The following DGKB variants were observed in gnomAD, a reference collection of about 807,000 sequenced individuals.
DGKB encodes the protein diacylglycerol kinase beta.
DGKB carries 67 observed loss-of-function variants against 114.3 expected under a neutral mutation model. The ratio of observed to expected loss-of-function variants is 0.59; its 90% CI spans 0.48 to 0.72. The LOEUF (loss-of-function observed/expected upper bound fraction) is 0.72. Among genes scored for constraint, DGKB ranks in the 30% least tolerant of loss-of-function variants. The pLI is 0.00. For missense variants in DGKB, 907 were observed against 975.2 expected, an observed-to-expected ratio of 0.93 and a Z score of 0.93; for synonymous variants, 398 against 323.1, an observed-to-expected ratio of 1.23 and a Z score of -2.49.
At chr7:14,627,744 C>T (rs2128833526) in intron 14 of DGKB, among the ~76,000 whole-genome samples, 1 of 151,900 alleles carries the variant, frequency 6.6e-6, no homozygotes, top group East Asian at 1.9e-4. Context: ...GAGTTCGAGA[C>T]CAGCCTGGCC....
chr7:14,414,280 C>T (rs1343722220), intron 21 of DGKB, among the ~76,000 whole-genome samples: 3 of 151,868 alleles, frequency 2.0e-5, no homozygotes, highest in Non-Finnish European at 4.4e-5. Flanking sequence ...GAAAATTTAC[C>T]CTCCAAAAGT....
At chr7:14,501,194 T>C (rs1305998511) in intron 20 of DGKB, among the ~76,000 whole-genome samples, 1 of 151,802 alleles carries the variant, frequency 6.6e-6, no homozygotes, top group Non-Finnish European at 1.5e-5. Context: ...ACTGTATGAT[T>C]TTTGTTAAAA....
Position 14,478,144 on chromosome 7 carries a change from C to A in DGKB, c.1835+17G>T. 6.4e-7 allele frequency: 1 copy of A among 1,559,802 alleles called. No homozygotes were observed. The highest frequency in any genetic ancestry group is 1.2e-5 in the South Asian group (1 of 86,314). The stretch of plus-strand genomic sequence containing the variant: ...TCAGCAACTATATCTATAATTTCAT[C>A]TCTTTTGTCACCTTACCTACTGTTG... On this transcript the variant is annotated intron_variant, in intron 21 of 25. Coordinates refer to ENST00000402815, the MANE Select transcript of DGKB (RefSeq NM_001350709.2).
At chr7:14,485,996 G>A (rs1297862987) in intron 20 of DGKB, among the ~76,000 whole-genome samples, 1 of 152,046 alleles carries the variant, frequency 6.6e-6, no homozygotes, top group East Asian at 1.9e-4. Context: ...ATTAGGTGAT[G>A]GCAAAATTTA....
intron 1 of DGKB, among the ~76,000 whole-genome samples, chr7:14,913,479 T>C (rs993020916): frequency 3.4e-5 from 5 of 148,892 alleles, no homozygotes; most frequent in Non-Finnish European, 7.4e-5. Context: ...TCCTGCATAC[T>C]AGATATTGTG....
chr7:14,327,114 G>T (rs575618373), intron 23 of DGKB, among the ~76,000 whole-genome samples: 10 of 151,900 alleles, frequency 6.6e-5, no homozygotes, highest in Non-Finnish European at 1.5e-4. Context: ...TAACAGAATG[G>T]CTCTTGAATT....
chr7:14,467,855 A>T (rs559581903), intron 21 of DGKB, among the ~76,000 whole-genome samples: 7 of 152,198 alleles, frequency 4.6e-5, no homozygotes, highest in Admixed American at 4.6e-4. Flanking sequence ...ATGCCAGGGG[A>T]TTACTTTCTA....
intron 23 of DGKB, among the ~76,000 whole-genome samples, chr7:14,329,809 T>C (rs769804290): frequency 1.3e-5 from 2 of 152,030 alleles, no homozygotes; most frequent in Non-Finnish European, 2.9e-5. Context: ...ATACTCTACA[T>C]GTGTTATTTA....
chr7:14,512,970 A>G (rs1338617153), intron 20 of DGKB, among the ~76,000 whole-genome samples: 5 of 152,084 alleles, frequency 3.3e-5, no homozygotes, highest in Non-Finnish European at 5.9e-5. Flanking sequence ...AATTGTTGAA[A>G]ATTTACTACA....
chr7:14,647,796 G>A lies in DGKB; in HGVS notation c.1135-17528C>T, dbSNP rs752904604. ...AGGTCAGTGGTCGCGCGCACCATGCGCGAGCCGAAGCAGGGCGAGGCATTG... is the reference window on the plus strand; with the variant it reads ...AGGTCAGTGGTCGCGCGCACCATGCACGAGCCGAAGCAGGGCGAGGCATTG... On this transcript the variant is annotated intron_variant, in intron 13 of 25. Coordinates refer to ENST00000402815, the MANE Select transcript of DGKB (RefSeq NM_001350709.2). 7.9e-5 allele frequency among the ~76,000 whole-genome samples: 12 copies of A among 152,226 alleles called. 1 individual carries two copies. Among genetic ancestry groups the A allele is most frequent in the East Asian group, 1.9e-4 (1 of 5,182 alleles).
At chr7:14,226,374 G>GT (rs1412620524) in intron 23 of DGKB, among the ~76,000 whole-genome samples, 2 of 151,924 alleles carry the variant, frequency 1.3e-5, no homozygotes, top group Non-Finnish European at 2.9e-5. Flanking sequence ...AAATAGATAT[G>GT]TTTTTTCTCC....
intron 9 of DGKB, among the ~76,000 whole-genome samples, chr7:14,690,272 C>A (rs1049432587): frequency 6.6e-6 from 1 of 152,164 alleles, no homozygotes; most frequent in East Asian, 1.9e-4. Context: ...TCTTGGCTAA[C>A]TTCTCGTTTT....
At chr7:14,824,082 A>G (rs1845320746) in intron 2 of DGKB, among the ~76,000 whole-genome samples, 1 of 152,014 alleles carries the variant, frequency 6.6e-6, no homozygotes, top group Non-Finnish European at 1.5e-5. Flanking sequence ...CCTTTATAAA[A>G]CCATCAGATC....
At chr7:14,563,612 A>C (rs2128677765) in intron 20 of DGKB, among the ~76,000 whole-genome samples, 2 of 133,612 alleles carry the variant, frequency 1.5e-5, no homozygotes, top group South Asian at 5.0e-4. Context: ...GAGTTATTTT[A>C]AATTATCTGT....
rs185528933 is a variant in DGKB at position 14,537,695 on chromosome 7, G to A, written c.1770+36517C>T. Among the ~76,000 whole-genome samples the A allele has an allele frequency of 2.5e-4, 38 of 152,258 alleles. No homozygotes were observed. The East Asian group carries it at 5.8e-3, about 23-fold the overall frequency. On this transcript the variant is annotated intron_variant, in intron 20 of 25. Transcript: ENST00000402815. ...CAACAACAAAACAAAACTTTCAGAA[G>A]AAAACATAGGTAAAAACCTTGTTAA... is the stretch of plus-strand genomic sequence containing the variant.
At chr7:14,272,040 G>T (rs945614315) in intron 23 of DGKB, among the ~76,000 whole-genome samples, 1 of 152,054 alleles carries the variant, frequency 6.6e-6, no homozygotes, top group African/African-American at 2.4e-5. Flanking sequence ...TTGATATTTT[G>T]ATTTAAAACC....
chr7:14,171,809 A>C (rs1781034622), intron 25 of DGKB, among the ~76,000 whole-genome samples: 2 of 152,216 alleles, frequency 1.3e-5, no homozygotes, highest in Admixed American at 1.3e-4. Flanking sequence ...GTATTTCAGA[A>C]ATTTGCAAAT....
intron 20 of DGKB, among the ~76,000 whole-genome samples, chr7:14,508,901 A>C (rs1332999642): frequency 6.6e-6 from 1 of 152,192 alleles, no homozygotes. Context: ...TTTAAGGTAT[A>C]TGTAGGAACA....
chr7:14,684,244 T>C (rs1307533632), intron 10 of DGKB, among the ~76,000 whole-genome samples: 1 of 152,024 alleles, frequency 6.6e-6, no homozygotes, highest in Non-Finnish European at 1.5e-5. Flanking sequence ...CTCAAACATA[T>C]TACCAAAGAA....
Sources: gnomAD v4.1 joint callset for allele counts (sites outside exome capture counted in the v4.1 genomes callset) on GRCh38, gnomAD v4.1.1 for gene constraint, MANE v1.5 for transcripts, NCBI Gene and HGNC (gene_info 2026-07-23, HGNC 2026-07-21) for gene names.